The following SEC14L5 variants were observed in gnomAD, a reference collection of about 807,000 sequenced individuals.
SEC14L5 encodes SEC14 like lipid binding 5.
Under a neutral mutation model 84.6 loss-of-function variants are expected in SEC14L5, and 96 were observed. The ratio of observed to expected loss-of-function variants is 1.13; its 90% CI spans 0.96 to 1.34. The LOEUF (loss-of-function observed/expected upper bound fraction) is 1.34, where lower values mean the gene tolerates loss of function less well. Among genes scored for constraint, SEC14L5 ranks in the 40% most tolerant of loss-of-function variants. SEC14L5 has a pLI of 0.00. For synonymous variants in SEC14L5, 546 were observed against 383.4 expected, an observed-to-expected ratio of 1.42 and a Z score of -4.95; for missense variants, 1,224 against 942.5, an observed-to-expected ratio of 1.30 and a Z score of -3.91.
intron 2 of SEC14L5, among the ~76,000 whole-genome samples, chr16:4,981,216 C>G (rs148985162): frequency 1.4e-3 from 209 of 144,526 alleles, no homozygotes; most frequent in African/African-American, 5.1e-3. Flanking sequence ...TCCCTAGTAG[C>G]TGGGATTACA....
At chr16:4,992,314 G>C (rs1049642933) in intron 6 of SEC14L5, among the ~76,000 whole-genome samples, 1 of 152,150 alleles carries the variant, frequency 6.6e-6, no homozygotes, top group African/African-American at 2.4e-5. Flanking sequence ...GCAGTAGCAC[G>C]ATCTCGGCTC....
intron 6 of SEC14L5, 90 bp from the exon 7 acceptor site, chr16:4,996,258 G>A: frequency 2.6e-6 from 2 of 776,762 alleles, no homozygotes; most frequent in Non-Finnish European, 2.1e-6. Flanking sequence ...TAGAGTCAGT[G>A]AGGCAGCCAG....
intron 14 of SEC14L5, among the ~76,000 whole-genome samples, chr16:5,010,188 C>CAAAAA (rs59942135): frequency 4.1e-4 from 18 of 43,646 alleles, no homozygotes; most frequent in East Asian, 9.8e-4. Flanking sequence ...ACTAAAAATA[C>CAAAAA]AAAAAAAAAA....
At position 5,011,280 on chromosome 16, in the gene SEC14L5, GGGCTCCGGAGCGGGGTCCTGGGCAGGAA is replaced by G; in HGVS notation, c.1979+10_1979+37del. ...TCGCCTCTGAGGACTTCAGGTAGGAGGGCTCCGGAGCGGGGTCCTGGGCAGGAAGGACCCTGGGGCTGATTGACAATGC... is the reference window on the plus strand; with the variant it reads ...TCGCCTCTGAGGACTTCAGGTAGGAGGGACCCTGGGGCTGATTGACAATGC... On this transcript the variant is annotated splice_region_variant and intron_variant, in intron 15 of 15. Coordinates refer to ENST00000251170, the MANE Select transcript of SEC14L5 (RefSeq NM_014692.2). 1 of 1,609,338 alleles carries G rather than the reference GGGCTCCGGAGCGGGGTCCTGGGCAGGAA, an allele frequency of 6.2e-7. No homozygotes were observed. The highest frequency in any genetic ancestry group is 8.5e-7 in the Non-Finnish European group (1 of 1,176,248).
rs780681498 is a variant in SEC14L5, at chr16:5,018,983, C to T, written c.*4013C>T. 2.6e-5 allele frequency: 4 copies of T among 152,166 alleles called. No individual in the cohort carries two copies. Among genetic ancestry groups the T allele is most frequent in the African/African-American group, 7.2e-5 (3 of 41,432 alleles). The allele number at this position is 152,166 out of a possible 1,614,324, so 9.4% of individuals were successfully genotyped here. A position where few individuals can be genotyped will look rare whatever the true frequency, so the allele number is the denominator to read the frequency against. ...GTTTTCCATTTGGATAAACTTGCAT[C>T]GTCAGCTTCCTAAAACCCTGGAGGT... is the stretch of plus-strand genomic sequence containing the variant. On this transcript the variant is annotated 3_prime_UTR_variant, in exon 16 of 16. Coordinates refer to ENST00000251170, the MANE Select transcript of SEC14L5 (RefSeq NM_014692.2).
chr16:4,981,510 G>A (rs762175313), intron 2 of SEC14L5, among the ~76,000 whole-genome samples: 3 of 152,126 alleles, frequency 2.0e-5, no homozygotes, highest in Non-Finnish European at 4.4e-5. Context: ...AAGGTCAGGG[G>A]TGGTGTGGCC....
chr16:5,008,490 G>T lies in SEC14L5; in HGVS notation c.1642G>T (p.Val548Leu). The T allele has an allele frequency of 1.9e-6, 3 of 1,613,666 alleles. No homozygotes were observed. The highest frequency in any genetic ancestry group is 2.5e-6 in the Non-Finnish European group (3 of 1,179,816). ...CTTTGACATCCTGCGAGGGGACGTG[G>T]TGTTCAGCCTGTACCACACCAAGCA... is the stretch of plus-strand genomic sequence containing the variant. ...WDFDILRGDV[V>L]FSLYHTKQAP... The change falls in exon 14 of 16, where the codon GTG becomes TTG. Residue 548 changes from valine (V) to leucine (L), a missense_variant. Val to Leu is a conservative substitution (Grantham distance 32, BLOSUM62 1). Transcript: ENST00000251170.
chr16:4,999,843 A>G (rs1955655718), intron 8 of SEC14L5, among the ~76,000 whole-genome samples: 1 of 152,040 alleles, frequency 6.6e-6, no homozygotes, highest in Non-Finnish European at 1.5e-5. Context: ...TGAACCTGGG[A>G]GGCAGAGGTT....
intron 2 of SEC14L5, among the ~76,000 whole-genome samples, chr16:4,971,195 G>A (rs1015110678): frequency 6.6e-6 from 1 of 152,212 alleles, no homozygotes; most frequent in Non-Finnish European, 1.5e-5. Flanking sequence ...GGTGGCTTAC[G>A]CCTATAATCG....
intron 2 of SEC14L5, among the ~76,000 whole-genome samples, chr16:4,963,234 A>T (rs1221161696): frequency 6.6e-6 from 1 of 152,150 alleles, no homozygotes; most frequent in East Asian, 1.9e-4. Flanking sequence ...AAAAATTAAT[A>T]CTCTCACTTA....
intron 5 of SEC14L5, among the ~76,000 whole-genome samples, chr16:4,991,162 C>CTTTT (rs35980290): frequency 2.6e-4 from 22 of 85,482 alleles, no homozygotes; most frequent in African/African-American, 3.1e-4. Flanking sequence ...TTCTGTGGTG[C>CTTTT]TTTTTTTTTT....
At chr16:4,966,939 G>A (rs918540463) in intron 2 of SEC14L5, among the ~76,000 whole-genome samples, 1 of 152,194 alleles carries the variant, frequency 6.6e-6, no homozygotes, top group African/African-American at 2.4e-5. Context: ...CACCGGCCAA[G>A]CCCGGGAGTG....
chr16:4,983,341 T>A (rs1027925936), intron 2 of SEC14L5, among the ~76,000 whole-genome samples: 17 of 151,372 alleles, frequency 1.1e-4, no homozygotes, highest in Admixed American at 2.6e-4. Flanking sequence ...ATGGAATATA[T>A]TATGTATCCA....
intron 2 of SEC14L5, among the ~76,000 whole-genome samples, chr16:4,975,224 G>A (rs1955326220): frequency 6.6e-6 from 1 of 151,950 alleles, no homozygotes; most frequent in South Asian, 2.1e-4. Flanking sequence ...TGTAATCCTA[G>A]CACTTTGGGA....
intron 4 of SEC14L5, among the ~76,000 whole-genome samples, chr16:4,989,885 G>A (rs1955534241): frequency 6.6e-6 from 1 of 152,188 alleles, no homozygotes; most frequent in African/African-American, 2.4e-5. Flanking sequence ...CCAGGAATCT[G>A]CATATTTTAA....
intron 8 of SEC14L5, among the ~76,000 whole-genome samples, chr16:4,997,440 C>G (rs990890864): frequency 2.6e-5 from 4 of 152,204 alleles, no homozygotes; most frequent in Non-Finnish European, 5.9e-5. Flanking sequence ...TAACATCTTA[C>G]TATTTTTCCT....
chr16:4,977,457 A>G (rs1377128563), intron 2 of SEC14L5, among the ~76,000 whole-genome samples: 1 of 39,866 alleles, frequency 2.5e-5, no homozygotes, highest in Non-Finnish European at 5.3e-5. Context: ...AAAAAAAAAA[A>G]AAAAAAAAAA....
rs869041446 is a variant in SEC14L5, at chr16:5,013,550, CTTTTTTTTTTTTT to C, written c.1980-1296_1980-1284del. ...TATAGGCATGGGCTAGCTTGCCTGG[CTTTTTTTTTTTTT>C]TTTTTTTTTTTTGGAGACAGGGTTT... On this transcript the variant is annotated intron_variant, in intron 15 of 15. Transcript: ENST00000251170. Among the ~76,000 whole-genome samples, 21 of 44,960 alleles carry C rather than the reference CTTTTTTTTTTTTT, an allele frequency of 4.7e-4. 1 individual carries two copies. Among genetic ancestry groups the C allele is most frequent in the African/African-American group, 2.0e-3 (21 of 10,546 alleles). The allele number at this position is 44,960 out of a possible 152,430, so 29.5% of individuals were successfully genotyped here. A position where few individuals can be genotyped will look rare whatever the true frequency, so the allele number is the denominator to read the frequency against.
chr16:4,980,254 C>G (rs1217760930), intron 2 of SEC14L5, among the ~76,000 whole-genome samples: 1 of 152,240 alleles, frequency 6.6e-6, no homozygotes, highest in Non-Finnish European at 1.5e-5. Context: ...ACAACTGGCT[C>G]TGGGATGGAC....
Sources: gnomAD v4.1 joint callset for allele counts (sites outside exome capture counted in the v4.1 genomes callset) on GRCh38, gnomAD v4.1.1 for gene constraint, MANE v1.5 for transcripts, NCBI Gene and HGNC (gene_info 2026-07-23, HGNC 2026-07-21) for gene names.